Variants in ABCA10 observed in about 807,000 individuals in gnomAD.
ABCA10 encodes the protein ATP-binding cassette sub-family A member 10.
ABCA10 carries 169 observed loss-of-function variants against 187.5 expected under a neutral mutation model. The ratio of observed to expected loss-of-function variants is 0.90; its 90% CI spans 0.80 to 1.02. ABCA10 has a LOEUF of 1.02. Among genes scored for constraint, ABCA10 ranks in the 50% least tolerant of loss-of-function variants. ABCA10 has a pLI of 0.00. For missense variants in ABCA10, 1,727 were observed against 1,812.4 expected (o/e 0.95, Z 0.86); for synonymous variants, 574 against 601.8 (o/e 0.95, Z 0.68).
chr17:69,156,358 C>CT (rs1481710519), intron 28 of ABCA10, among the ~76,000 whole-genome samples: 3 of 152,222 alleles, frequency 2.0e-5, no homozygotes, highest in Admixed American at 1.3e-4. Flanking sequence ...TTAAACACTA[C>CT]TTACAGACAT....
chr17:69,214,909 A>T (rs556246798), intron 8 of ABCA10, 58 bp from the exon 9 acceptor site: 5 of 1,296,088 alleles, frequency 3.9e-6, no homozygotes, highest in Middle Eastern at 2.7e-4. Flanking sequence ...AAATAAAACA[A>T]TTTTTTTTAA....
At position 69,216,216 on chromosome 17, in the gene ABCA10, C is replaced by T; in HGVS notation, c.672+1G>A. ...GAGGTAATATGCTTTTACCAACTCA[C>T]CAAAGAAAGGCCATATAAGCTATAG... On this transcript the variant is annotated splice_donor_variant, in intron 7 of 38. Coordinates refer to ENST00000690296, the MANE Select transcript of ABCA10 (RefSeq NM_001377321.1). LOFTEE classifies it high-confidence loss of function. 1.2e-6 allele frequency: 2 copies of T among 1,606,408 alleles called. No individual in the cohort carries two copies. The highest frequency in any genetic ancestry group is 1.1e-5 in the South Asian group (1 of 88,930).
intron 25 of ABCA10, among the ~76,000 whole-genome samples, chr17:69,166,656 C>T (rs1400201260): frequency 4.6e-5 from 7 of 152,152 alleles, no homozygotes; most frequent in African/African-American, 7.2e-5. Context: ...GTAATGCCCT[C>T]AAAGGATGCT....
At position 69,243,532 on chromosome 17, in the gene ABCA10, A is replaced by C. The variant is rs544402484; in HGVS notation, c.-593+997T>G. On this transcript the variant is annotated intron_variant, in intron 1 of 39. Transcript: ENST00000269081. ...TTTGACCAAAATGTTGTTATGCAAC[A>C]CATTACTATATTTATGCAAGTGTGG... Among the ~76,000 whole-genome samples, 3 of 152,378 alleles carry C rather than the reference A, an allele frequency of 2.0e-5. No individual in the cohort carries two copies. In the South Asian group the frequency reaches 6.2e-4, roughly 32 times the overall value.
intron 30 of ABCA10, 70 bp downstream of exon 30, chr17:69,154,949 C>T (rs1414914641): frequency 7.2e-6 from 8 of 1,117,990 alleles, no homozygotes; most frequent in Non-Finnish European, 1.0e-5. Flanking sequence ...AAAAATTTGT[C>T]CCCTTTGTAG....
intron 9 of ABCA10, among the ~76,000 whole-genome samples, chr17:69,213,446 T>G (rs981722648): frequency 2.0e-5 from 3 of 152,070 alleles, no homozygotes; most frequent in African/African-American, 7.2e-5. Flanking sequence ...AACGGTGTTA[T>G]GTTCCCAGGG....
At chr17:69,165,122 A>G (rs2074246168) in intron 25 of ABCA10, 39 bp from the exon 26 acceptor site, 2 of 1,446,666 alleles carry the variant, frequency 1.4e-6, no homozygotes, top group South Asian at 1.2e-5. Context: ...TTTCTCAGTT[A>G]TATTTGATAT....
Position 69,187,807 on chromosome 17 carries a change from A to G in ABCA10, c.2204T>C (p.Val735Ala), listed in dbSNP as rs981219244. 3 of 1,613,854 alleles carry G rather than the reference A, an allele frequency of 1.9e-6. No homozygotes were observed. The highest frequency in any genetic ancestry group is 1.7e-5 in the Admixed American group (1 of 60,008). The change falls in exon 19 of 39, where the codon GTT becomes GCT. Residue 735 changes from valine (V) to alanine (A), a missense_variant. Val to Ala is a moderately conservative substitution (Grantham distance 64). Coordinates refer to ENST00000690296, the MANE Select transcript of ABCA10 (RefSeq NM_001377321.1). ...NTGDESEMEQ[V>A]LCSLPETRKA... Reference sequence around the variant, plus strand: ...TCTTGTTTCAGGAAGAGAACAAAGAACCTGTTCCATTTCAGACTCATCTCC... The same window carrying G: ...TCTTGTTTCAGGAAGAGAACAAAGAGCCTGTTCCATTTCAGACTCATCTCC...
intron 11 of ABCA10, among the ~76,000 whole-genome samples, chr17:69,196,048 T>G (rs2074497936): frequency 6.6e-6 from 1 of 152,226 alleles, no homozygotes; most frequent in Non-Finnish European, 1.5e-5. Context: ...ATCATCATCA[T>G]GGCCCGTTCT....
chr17:69,222,517 GT>G lies in ABCA10; in HGVS notation c.199+15del. The stretch of plus-strand genomic sequence containing the variant: ...AAGTATCAAAAAAAAATTATAATCA[GT>G]TTTTTTATAGTTACCTGTGTATTCA... On this transcript the variant is annotated intron_variant, in intron 4 of 38. Transcript: ENST00000690296. 4 of 1,517,408 alleles carry G rather than the reference GT, an allele frequency of 2.6e-6. No homozygotes were observed. Among genetic ancestry groups the G allele is most frequent in the Admixed American group, 2.5e-5 (1 of 39,788 alleles). The allele number at this position is 1,517,408 out of a possible 1,614,324, so 94.0% of individuals were successfully genotyped here. A position where few individuals can be genotyped will look rare whatever the true frequency, so the allele number is the denominator to read the frequency against.
Position 69,155,010 on chromosome 17 carries a change from T to G in ABCA10, c.3694+9A>C. On this transcript the variant is annotated intron_variant, in intron 30 of 38. Coordinates refer to ENST00000690296, the MANE Select transcript of ABCA10 (RefSeq NM_001377321.1). The stretch of plus-strand genomic sequence containing the variant: ...TTATAATAATAATAAAAGGAACAAT[T>G]GTTCAAACCTTTTTTAACACAAAAG... The G allele has an allele frequency of 6.5e-7, 1 of 1,546,404 alleles. No individual in the cohort carries two copies. The highest frequency in any genetic ancestry group is 8.9e-7 in the Non-Finnish European group (1 of 1,124,636).
chr17:69,164,118 T>C lies in ABCA10; in HGVS notation c.3319A>G (p.Arg1107Gly). 6.3e-7 allele frequency: 1 copy of C among 1,592,068 alleles called. No homozygotes were observed. The highest frequency in any genetic ancestry group is 2.3e-5 in the East Asian group (1 of 43,690). ...FMRNLDSLDN[R>G]INEVNKTILL... Reference sequence around the variant, plus strand: ...ATGGTTTTATTGACTTCATTTATTCTATTGTCCAGACTGTCCAAGTTTCTC... The same window carrying C: ...ATGGTTTTATTGACTTCATTTATTCCATTGTCCAGACTGTCCAAGTTTCTC... Residue 1107 changes from arginine to glycine, a missense_variant, in exon 27 of 39, where the codon AGA (arginine) becomes GGA (glycine). By Grantham distance (125) the Arg-to-Gly change is moderately radical. Transcript: ENST00000690296.
chr17:69,196,448 G>C (rs1290889844), intron 11 of ABCA10: 1 of 181,526 alleles, frequency 5.5e-6, no homozygotes, highest in Non-Finnish European at 1.2e-5. Flanking sequence ...CCACATCTCA[G>C]ACGATGGGCG....
At position 69,156,851 on chromosome 17, in the gene ABCA10, T is replaced by G. The variant is rs374248190; in HGVS notation, c.3436A>C (p.Asn1146His). ...CCCAACCTGAAAACTGGGTCTTTAT[T>G]CATTATTTCATTTCCATACTTCATT... ...LEMKYGNEIM[N>H]KDPVFRISPR... The change falls in exon 28 of 39, where the codon AAT becomes CAT. Residue 1146 changes from asparagine to histidine, a missense_variant. Coordinates refer to ENST00000690296, the MANE Select transcript of ABCA10 (RefSeq NM_001377321.1). The G allele has an allele frequency of 2.4e-5, 38 of 1,582,012 alleles. No homozygotes were observed. In the East Asian group the frequency reaches 8.6e-4, roughly 36 times the overall value.
At chr17:69,189,805 T>C (rs1439024257) in intron 18 of ABCA10, among the ~76,000 whole-genome samples, 1 of 152,156 alleles carries the variant, frequency 6.6e-6, no homozygotes, top group Non-Finnish European at 1.5e-5. Flanking sequence ...TTGTTTTCAC[T>C]GGCTTTGTTG....
chr17:69,163,681 TTTCA>T (rs1308260064), intron 27 of ABCA10, among the ~76,000 whole-genome samples: 3 of 152,334 alleles, frequency 2.0e-5, no homozygotes, highest in Non-Finnish European at 4.4e-5. Context: ...TTATATTCGC[TTTCA>T]TTGTCTTTCC....
Position 69,149,015 on chromosome 17 carries a change from C to T in ABCA10, c.4533+18G>A, listed in dbSNP as rs755362836. 45 of 1,613,718 alleles carry T rather than the reference C, an allele frequency of 2.8e-5. No homozygotes were observed. Among genetic ancestry groups the T allele is most frequent in the Admixed American group, 5.0e-5 (3 of 59,974 alleles). On this transcript the variant is annotated intron_variant, in intron 38 of 38. Transcript: ENST00000690296. The stretch of plus-strand genomic sequence containing the variant: ...AGAGGTCATCTGGATGGTGCTCACT[C>T]GTTCAATGAAAACCCACCTGCTCCA...
chr17:69,225,745 A>T (rs1342940080), intron 2 of ABCA10, among the ~76,000 whole-genome samples: 2 of 152,132 alleles, frequency 1.3e-5, no homozygotes, highest in Non-Finnish European at 2.9e-5. Flanking sequence ...AATTGCAATC[A>T]ATCTTAACCC....
chr17:69,195,283 A>G (rs1307966613), intron 11 of ABCA10, among the ~76,000 whole-genome samples: 1 of 152,180 alleles, frequency 6.6e-6, no homozygotes, highest in African/African-American at 2.4e-5. Flanking sequence ...AACCAGTTTC[A>G]CTAATACTTC....
Sources: gnomAD v4.1 joint callset for allele counts (sites outside exome capture counted in the v4.1 genomes callset) on GRCh38, gnomAD v4.1.1 for gene constraint, MANE v1.5 for transcripts, NCBI Gene and HGNC (gene_info 2026-07-23, HGNC 2026-07-21) for gene names.